The following PKD2 variants were observed in gnomAD, a reference collection of about 807,000 sequenced individuals.
PKD2 encodes the protein polycystin 2, transient receptor potential cation channel, also known as polycystin-2.
A neutral mutation model predicts 105.9 loss-of-function variants in PKD2; 48 were observed. That is an observed-to-expected ratio of 0.45 (90% confidence interval 0.36 to 0.58). The LOEUF is 0.58. Ranked by LOEUF, PKD2 falls within the 20% of genes least tolerant of loss-of-function variation. PKD2 has a pLI of 0.00. For missense variants in PKD2, 1,078 were observed against 1,255.3 expected, an observed-to-expected ratio of 0.86 and a Z score of 2.13; for synonymous variants, 464 against 481.1, an observed-to-expected ratio of 0.96 and a Z score of 0.46.
At chr4:88,057,574 T>C (rs1475265223) in intron 8 of PKD2, among the ~76,000 whole-genome samples, 1 of 151,950 alleles carries the variant, frequency 6.6e-6, no homozygotes, top group Non-Finnish European at 1.5e-5. Flanking sequence ...TAGCTGAGAT[T>C]ATGGGCGCAC....
chr4:88,067,988 G>A lies in PKD2; in HGVS notation c.2449G>A (p.Asp817Asn), dbSNP rs761597786. ...CCTGGATGACTCTGAGGAGGATGACGATGAAGATAGCGGACATAGCTCCAG... is the reference window on the plus strand; with the variant it reads ...CCTGGATGACTCTGAGGAGGATGACAATGAAGATAGCGGACATAGCTCCAG... ...RSLDDSEEDD[D>N]EDSGHSSRRR... Residue 817 changes from aspartate (D) to asparagine (N), a missense_variant, in exon 13 of 15, where the codon GAT becomes AAT. Coordinates refer to ENST00000237596, the MANE Select transcript of PKD2 (RefSeq NM_000297.4). The A allele has an allele frequency of 2.4e-5, 39 of 1,613,854 alleles. No individual in the cohort carries two copies. The highest frequency in any genetic ancestry group is 1.0e-4 in the Admixed American group (6 of 60,006).
chr4:88,031,508 G>C (rs1727150695), intron 2 of PKD2, among the ~76,000 whole-genome samples: 1 of 152,108 alleles, frequency 6.6e-6, no homozygotes, highest in Non-Finnish European at 1.5e-5. Flanking sequence ...AGATTACCTG[G>C]AATACTGTGG....
At chr4:88,065,591 T>A in intron 11 of PKD2, 96 bp downstream of exon 11, 1 of 1,292,934 alleles carries the variant, frequency 7.7e-7, no homozygotes, top group Non-Finnish European at 1.1e-6. Flanking sequence ...CTCATACAGA[T>A]ACTTTTTTTT....
intron 2 of PKD2, among the ~76,000 whole-genome samples, chr4:88,028,036 C>T (rs1477577720): frequency 6.6e-6 from 1 of 152,086 alleles, no homozygotes; most frequent in South Asian, 2.1e-4. Flanking sequence ...ACTTTAAACT[C>T]AGTAGTATCC....
At chr4:88,010,169 A>G (rs748704099) in intron 1 of PKD2, among the ~76,000 whole-genome samples, 23 of 151,868 alleles carry the variant, frequency 1.5e-4, no homozygotes, top group Non-Finnish European at 2.6e-4. Flanking sequence ...AACGTAGCTC[A>G]CTGCGGCCTC....
At position 88,008,218 on chromosome 4, in the gene PKD2, C is replaced by T. The variant is rs1034653764; in HGVS notation, c.485C>T (p.Pro162Leu). 5.4e-5 allele frequency: 76 copies of T among 1,401,524 alleles called. No individual in the cohort carries two copies. Among genetic ancestry groups the T allele is most frequent in the Non-Finnish European group, 6.9e-5 (75 of 1,083,260 alleles). 86.8% of individuals were successfully genotyped at this position (1,401,524 alleles called of 1,614,324 possible). A position where few individuals can be genotyped will look rare whatever the true frequency, so the allele number is the denominator to read the frequency against. The change falls in exon 1 of 15, where the codon CCG becomes CTG. Residue 162 changes from proline to leucine, a missense_variant. Physicochemically the swap from Pro to Leu is moderately conservative, Grantham distance 98 (BLOSUM62 -3). Transcript: ENST00000237596. ...GRRRRREDQG[P>L]PCPSPVGGGD... ...CGGCGCCGGCGAGAGGACCAGGGCCCGCCGTGCCCCAGCCCAGTCGGCGGC... is the reference window on the plus strand; with the variant it reads ...CGGCGCCGGCGAGAGGACCAGGGCCTGCCGTGCCCCAGCCCAGTCGGCGGC...
rs375848428 is a variant in PKD2, at chr4:88,065,793, A to G, written c.2272A>G (p.Ile758Val). 1.5e-5 allele frequency: 25 copies of G among 1,613,256 alleles called. No individual in the cohort carries two copies. In the East Asian group the frequency reaches 2.0e-4, roughly 13 times the overall value. Reference sequence around the variant, plus strand: ...CCATACTGATGCAGAGATTGAGGCAATATTCACAAAGTACGACCAAGATGG... The same window carrying G: ...CCATACTGATGCAGAGATTGAGGCAGTATTCACAAAGTACGACCAAGATGG... ...KGHTDAEIEA[I>V]FTKYDQDGDQ... is the part of the protein sequence containing the mutation. Residue 758 changes from isoleucine to valine, a missense_variant, in exon 12 of 15, where the codon ATA becomes GTA. Ile to Val is a conservative substitution (Grantham distance 29). This residue lies in a region of PKD2 where 868 missense variants were observed against 1,067.3 expected (regional missense o/e 0.81). Coordinates refer to ENST00000237596, the MANE Select transcript of PKD2 (RefSeq NM_000297.4).
Position 88,039,049 on chromosome 4 carries a change from C to G in PKD2, c.1094+548C>G, listed in dbSNP as rs955640960. ...TTTGTACACTTTGGTACTCCTACTT[C>G]AAACATCTTGTGTATTAAGGGAGGT... On this transcript the variant is annotated intron_variant, in intron 4 of 14. Transcript: ENST00000237596. Among the ~76,000 whole-genome samples the G allele has an allele frequency of 5.3e-5, 8 of 152,286 alleles. No homozygotes were observed. In the East Asian group the frequency reaches 1.2e-3, roughly 22 times the overall value.
intron 7 of PKD2, among the ~76,000 whole-genome samples, chr4:88,054,022 C>A (rs2110124556): frequency 6.6e-6 from 1 of 152,158 alleles, no homozygotes; most frequent in Non-Finnish European, 1.5e-5. Context: ...GAAAGGATGG[C>A]AGGTGCTGCC....
At chr4:88,017,298 A>G (rs1471382620) in intron 1 of PKD2, among the ~76,000 whole-genome samples, 1 of 152,118 alleles carries the variant, frequency 6.6e-6, no homozygotes, top group East Asian at 1.9e-4. Flanking sequence ...TCATACATAC[A>G]TACATACATA....
chr4:88,016,803 A>G (rs1389472988), intron 1 of PKD2, among the ~76,000 whole-genome samples: 1 of 152,052 alleles, frequency 6.6e-6, no homozygotes, highest in Non-Finnish European at 1.5e-5. Context: ...TCTACAAAAA[A>G]TTAAAAACTT....
Position 88,016,033 on chromosome 4 carries a change from G to A in PKD2, c.596-3425G>A, listed in dbSNP as rs901811963. ...ATTAGTGAGATTCTCATAAGGAGCAGGCAATCTAGATTCTTCACATGCGCA... is the reference window on the plus strand; with the variant it reads ...ATTAGTGAGATTCTCATAAGGAGCAAGCAATCTAGATTCTTCACATGCGCA... On this transcript the variant is annotated intron_variant, in intron 1 of 14. Transcript: ENST00000237596. Among the ~76,000 whole-genome samples the A allele has an allele frequency of 3.9e-5, 6 of 152,266 alleles. No individual in the cohort carries two copies. The South Asian group carries it at 1.0e-3, about 26-fold the overall frequency.
In PKD2 at chr4:88,074,831, C is replaced by T; in HGVS notation, c.2542C>T (p.Arg848Trp). 1.9e-6 allele frequency: 3 copies of T among 1,613,990 alleles called. No homozygotes were observed. Among genetic ancestry groups the T allele is most frequent in the Non-Finnish European group, 1.7e-6 (2 of 1,179,948 alleles). ...TTGCAGCCTGGTGAGACGAGTGGAC[C>T]GGATGGAGCATTCCATCGGCAGCAT... ...EFQVLVRRVD[R>W]MEHSIGSIVS... is the part of the protein sequence containing the mutation. The change falls in exon 14 of 15, where the codon CGG becomes TGG. Residue 848 changes from arginine to tryptophan, a missense_variant. Physicochemically the swap from Arg to Trp is moderately radical, Grantham distance 101. This residue lies in a region of PKD2 where 868 missense variants were observed against 1,067.3 expected (regional missense o/e 0.81). Transcript: ENST00000237596.
At chr4:88,029,481 A>G (rs900609622) in intron 2 of PKD2, among the ~76,000 whole-genome samples, 1 of 151,890 alleles carries the variant, frequency 6.6e-6, no homozygotes, top group African/African-American at 2.4e-5. Context: ...CCACCCATCT[A>G]TCCAGCCATG....
chr4:88,027,958 C>T (rs930574425), intron 2 of PKD2, among the ~76,000 whole-genome samples: 8 of 152,208 alleles, frequency 5.3e-5, no homozygotes, highest in African/African-American at 1.7e-4. Flanking sequence ...TCAATTAAAC[C>T]TCTTCCTGCC....
chr4:88,075,417 CT>C (rs1721194653), intron 14 of PKD2, 40 bp from the exon 15 acceptor site: 1 of 1,446,900 alleles, frequency 6.9e-7, no homozygotes, highest in South Asian at 1.1e-5. Context: ...AAGGCATTTC[CT>C]TCTACTGCCC....
intron 10 of PKD2, among the ~76,000 whole-genome samples, chr4:88,064,910 C>T (rs2110137480): frequency 6.6e-6 from 1 of 151,860 alleles, no homozygotes; most frequent in Admixed American, 6.6e-5. Context: ...GGAAAATCCT[C>T]ATCTACATTT....
intron 5 of PKD2, among the ~76,000 whole-genome samples, chr4:88,044,592 C>CAT (rs1439804678): frequency 6.6e-6 from 1 of 152,110 alleles, no homozygotes; most frequent in African/African-American, 2.4e-5. Flanking sequence ...GGAATGTCTG[C>CAT]ATATATATAA....
intron 8 of PKD2, among the ~76,000 whole-genome samples, chr4:88,056,577 T>C (rs1720343110): frequency 6.6e-6 from 1 of 152,222 alleles, no homozygotes; most frequent in Non-Finnish European, 1.5e-5. Flanking sequence ...TAGAAGGCTG[T>C]TTGCCTATAT....
Sources: allele counts gnomAD v4.1 joint callset (sites outside exome capture counted in the v4.1 genomes callset), GRCh38; gene constraint gnomAD v4.1.1; regional missense constraint gnomAD v4.1.1; transcripts MANE v1.5; gene names NCBI Gene and HGNC (gene_info 2026-07-23, HGNC 2026-07-21).